The following WHRN variants were observed in gnomAD, a reference collection of about 807,000 sequenced individuals.
The protein encoded by WHRN is CASK-interacting protein CIP98.
Under a neutral mutation model 68.3 loss-of-function variants are expected in WHRN, and 41 were observed. The ratio of observed to expected loss-of-function variants is 0.60; its 90% CI spans 0.47 to 0.78. The LOEUF (loss-of-function observed/expected upper bound fraction) is 0.78, where lower values mean the gene tolerates loss of function less well. WHRN is among the 30% of genes least tolerant of loss of function. The probability of loss-of-function intolerance (pLI) is 0.00; values close to 1 mark genes in which losing one functional copy is unlikely to be tolerated. For missense variants in WHRN, 1,243 were observed against 1,244.7 expected, an observed-to-expected ratio of 1.00 and a Z score of 0.02; for synonymous variants, 560 against 561.3, an observed-to-expected ratio of 1.00 and a Z score of 0.03.
At chr9:114,493,371 A>AAAAAG (rs1843160138) in intron 1 of WHRN, among the ~76,000 whole-genome samples, 1 of 6,506 alleles carries the variant, frequency 1.5e-4, no homozygotes, top group African/African-American at 6.6e-4. Flanking sequence ...AAAAAAAAAA[A>AAAAAG]GTGGGGGTGG....
At chr9:114,457,426 T>C (rs1432302971) in intron 3 of WHRN, among the ~76,000 whole-genome samples, 1 of 152,140 alleles carries the variant, frequency 6.6e-6, no homozygotes, top group Non-Finnish European at 1.5e-5. Flanking sequence ...CATGAGGCCA[T>C]AATAGTGTCA....
intron 1 of WHRN, among the ~76,000 whole-genome samples, chr9:114,480,585 G>A (rs575875307): frequency 2.0e-5 from 3 of 152,258 alleles, no homozygotes; most frequent in African/African-American, 7.2e-5. Flanking sequence ...ATGGCACCCT[G>A]ATCTCAGACT....
chr9:114,402,801 G>T lies in WHRN; in HGVS notation c.2677C>A (p.Arg893Ser), dbSNP rs138323921. The change falls in exon 12 of 12, where the codon CGT (arginine) becomes AGT (serine). Residue 893 changes from arginine (R) to serine (S), a missense_variant. Arg to Ser is a moderately radical substitution (Grantham distance 110). Coordinates refer to ENST00000362057, the MANE Select transcript of WHRN (RefSeq NM_015404.4). ...GTGACCAGAAAGTCAATGTAGTCAC[G>T]GTCCTTAGTCTTGAAGGCCTCGGCG... is the stretch of plus-strand genomic sequence containing the variant. ...IIAEAFKTKD[R>S]DYIDFLVTEF... 1.2e-6 allele frequency: 2 copies of T among 1,614,072 alleles called. No homozygotes were observed. The highest frequency in any genetic ancestry group is 1.3e-5 in the African/African-American group (1 of 75,062).
chr9:114,504,240 T>A lies in WHRN; in HGVS notation c.562A>T (p.Ile188Phe). 6.2e-7 allele frequency: 1 copy of A among 1,614,134 alleles called. No individual in the cohort carries two copies. Among genetic ancestry groups the A allele is most frequent in the East Asian group, 2.2e-5 (1 of 44,876 alleles). ...AGGGATTTGTCGTTGACGCGCAGAA[T>A]CTGGTCCCCGACCCGCAGTCCTTCC... ...EKEGLRVGDQ[I>F]LRVNDKSLAR... is the part of the protein sequence containing the mutation. Residue 188 changes from isoleucine to phenylalanine, a missense_variant, in exon 1 of 12, where the codon ATT becomes TTT. By Grantham distance (21) the Ile-to-Phe change is conservative. Transcript: ENST00000362057.
chr9:114,454,687 A>T (rs35807259), intron 3 of WHRN, among the ~76,000 whole-genome samples: 41,977 of 150,348 alleles, frequency 0.28, 6,004 homozygotes, highest in Admixed American at 0.36. Context: ...AGGAAGCTAT[A>T]TTTTTTTTTT....
intron 1 of WHRN, among the ~76,000 whole-genome samples, chr9:114,492,573 C>A (rs1459436498): frequency 1.3e-5 from 2 of 152,208 alleles, no homozygotes; most frequent in African/African-American, 4.8e-5. Context: ...AATGCATACA[C>A]AGATGCACAC....
rs10817610 is a variant in WHRN, at chr9:114,426,286, T to A, written c.1091A>T (p.His364Leu). ...GGTCTCGTCCACAGTGGTGCGGGCA[T>A]GGGGCAGCCTCCCGACGTCCTTCAC... The part of the protein sequence containing the change: ...LTVKDVGRLP[H>L]ARTTVDETKW... Residue 364 changes from histidine to leucine, a missense_variant, in exon 4 of 12, where the codon CAT (histidine) becomes CTT (leucine). Physicochemically the swap from His to Leu is moderately conservative, Grantham distance 99 (BLOSUM62 -3). Transcript: ENST00000362057. 1 of 1,613,430 alleles carries A rather than the reference T, an allele frequency of 6.2e-7. No homozygotes were observed. Among genetic ancestry groups the A allele is most frequent in the South Asian group, 1.1e-5 (1 of 91,042 alleles).
At chr9:114,408,735 T>C (rs1835217048) in intron 7 of WHRN, among the ~76,000 whole-genome samples, 1 of 152,226 alleles carries the variant, frequency 6.6e-6, no homozygotes, top group South Asian at 2.1e-4. Context: ...CGTGTCAACT[T>C]GACTGGGCTA....
chr9:114,489,509 C>CAA (rs1445130607), intron 1 of WHRN, among the ~76,000 whole-genome samples: 2 of 30,820 alleles, frequency 6.5e-5, no homozygotes, highest in Non-Finnish European at 1.4e-4. Flanking sequence ...CACACGCACA[C>CAA]ACGCGTGCAC....
chr9:114,463,611 G>A (rs1189021206), intron 3 of WHRN, among the ~76,000 whole-genome samples: 2 of 152,178 alleles, frequency 1.3e-5, no homozygotes, highest in Admixed American at 1.3e-4. Flanking sequence ...GGTTATACAT[G>A]ATGTCAACAC....
chr9:114,469,894 C>T (rs1159149192), intron 2 of WHRN, among the ~76,000 whole-genome samples: 1 of 152,228 alleles, frequency 6.6e-6, no homozygotes, highest in Non-Finnish European at 1.5e-5. Context: ...CACCTGCATT[C>T]CTTGGTTCAT....
Position 114,406,695 on chromosome 9 carries a change from G to A in WHRN, c.1896C>T (p.Gly632=). The A allele has an allele frequency of 6.2e-7, 1 of 1,614,054 alleles. No homozygotes were observed. The change falls in exon 9 of 12, where the codon GGC becomes GGT. Residue 632 remains glycine (G), a synonymous_variant. Coordinates refer to ENST00000362057, the MANE Select transcript of WHRN (RefSeq NM_015404.4). ...AGGAGGTCCCTGGGGTGGGTGCGGT[G>A]CCCGCTGGCGGGCTGCGGTTCTGTG... ...SAPQNRSPPA[G]TAPTPGTSSA...
rs1002560337 is a variant in WHRN at position 114,424,695 on chromosome 9, G to A, written c.1204-149C>T. 7.4e-6 allele frequency: 7 copies of A among 950,590 alleles called. No individual in the cohort carries two copies. In the African/African-American group the frequency reaches 8.2e-5, roughly 11 times the overall value. 58.9% of individuals were successfully genotyped at this position (950,590 alleles called of 1,614,324 possible). ...TAACCCCCAGCACCTTGCCTTGATAGTACTATCTTTCTTAATTAGAATTTG... is the reference window on the plus strand; with the variant it reads ...TAACCCCCAGCACCTTGCCTTGATAATACTATCTTTCTTAATTAGAATTTG... On this transcript the variant is annotated intron_variant, in intron 5 of 11. Coordinates refer to ENST00000362057, the MANE Select transcript of WHRN (RefSeq NM_015404.4).
intron 7 of WHRN, among the ~76,000 whole-genome samples, chr9:114,421,677 T>C (rs1349718571): frequency 3.3e-5 from 5 of 152,200 alleles, no homozygotes; most frequent in African/African-American, 1.2e-4. Flanking sequence ...GAGCCTATCT[T>C]AGAGAGAAAC....
chr9:114,484,437 C>G (rs926448300), intron 1 of WHRN, among the ~76,000 whole-genome samples: 3 of 152,220 alleles, frequency 2.0e-5, no homozygotes, highest in African/African-American at 7.2e-5. Context: ...TTCTCTCCTG[C>G]AAAATGAAGA....
At chr9:114,455,436 T>G (rs7867667) in intron 3 of WHRN, among the ~76,000 whole-genome samples, 114,072 of 152,096 alleles carry the variant, frequency 0.75, 42,930 homozygotes, top group East Asian at 0.96. Flanking sequence ...GAAGATATTT[T>G]CCAGCCAGGC....
chr9:114,462,064 G>A lies in WHRN; in HGVS notation c.963+4203C>T, dbSNP rs556666487. ...TCCACATCCTTCCACACAAAAGAGGGATCTATCAGCTGGTTACTGGTTTTG... is the reference window on the plus strand; with the variant it reads ...TCCACATCCTTCCACACAAAAGAGGAATCTATCAGCTGGTTACTGGTTTTG... On this transcript the variant is annotated intron_variant, in intron 3 of 11. Transcript: ENST00000362057. 7.9e-5 allele frequency among the ~76,000 whole-genome samples: 12 copies of A among 152,278 alleles called. No individual in the cohort carries two copies. In the South Asian group the frequency reaches 2.5e-3, roughly 32 times the overall value.
chr9:114,440,448 A>G (rs1484117009), intron 3 of WHRN, among the ~76,000 whole-genome samples: 1 of 152,072 alleles, frequency 6.6e-6, no homozygotes, highest in Non-Finnish European at 1.5e-5. Context: ...CATGTTAGCT[A>G]GGCTGGTCTC....
At chr9:114,440,670 C>T (rs940351300) in intron 3 of WHRN, among the ~76,000 whole-genome samples, 2 of 152,152 alleles carry the variant, frequency 1.3e-5, no homozygotes, top group Non-Finnish European at 2.9e-5. Flanking sequence ...ATAAAATTTA[C>T]AGAAGTACAC....
Sources: allele counts gnomAD v4.1 joint callset (sites outside exome capture counted in the v4.1 genomes callset), GRCh38; gene constraint gnomAD v4.1.1; transcripts MANE v1.5; gene names NCBI Gene and HGNC (gene_info 2026-07-23, HGNC 2026-07-21).